RNF115: variants seen among roughly 807,000 people sequenced by gnomAD.
The protein encoded by RNF115 is E3 ubiquitin-protein ligase RNF115.
RNF115 carries 31 observed loss-of-function variants against 39.2 expected under a neutral mutation model. The ratio of observed to expected loss-of-function variants is 0.79; its 90% CI spans 0.59 to 1.07. RNF115 has a LOEUF of 1.07. Among genes scored for constraint, RNF115 ranks in the 50% least tolerant of loss-of-function variants. The pLI is 0.00. For missense variants in RNF115, 384 were observed against 381.7 expected (o/e 1.01, Z -0.05); for synonymous variants, 124 against 131.0 (o/e 0.95, Z 0.37).
chr1:145,803,209 T>C (rs1337294788), intron 1 of RNF115, among the ~76,000 whole-genome samples: 2 of 151,968 alleles, frequency 1.3e-5, no homozygotes, highest in African/African-American at 4.8e-5. Flanking sequence ...ACTTGGCTAT[T>C]AATAAAGAAA....
At chr1:145,776,121 T>A (rs1647874744) in intron 3 of RNF115, among the ~76,000 whole-genome samples, 1 of 150,976 alleles carries the variant, frequency 6.6e-6, no homozygotes, top group Non-Finnish European at 1.5e-5. Flanking sequence ...TTCAGACTCC[T>A]ACCAGAGTAT....
rs971126611 is a variant in RNF115, at chr1:145,742,665, C to T, written c.*4201G>A. 3 of 152,152 alleles carry T rather than the reference C, an allele frequency of 2.0e-5. No individual in the cohort carries two copies. Among genetic ancestry groups the T allele is most frequent in the Non-Finnish European group, 4.4e-5 (3 of 68,042 alleles). The allele number at this position is 152,152 out of a possible 1,614,324, so 9.4% of individuals were successfully genotyped here. A position where few individuals can be genotyped will look rare whatever the true frequency, so the allele number is the denominator to read the frequency against. On this transcript the variant is annotated 3_prime_UTR_variant, in exon 9 of 9. Transcript: ENST00000582693. ...TCCTCCATTGTGAAATGTGCATACA[C>T]GTGTTTGTCTGTGAATATATAAATA...
At chr1:145,774,300 ATTT>A (rs35937477) in intron 3 of RNF115, among the ~76,000 whole-genome samples, 2 of 139,166 alleles carry the variant, frequency 1.4e-5, no homozygotes, top group Admixed American at 7.0e-5. Context: ...TTCCCCCAAC[ATTT>A]TTTTTTTTTT....
chr1:145,773,313 G>C (rs1647728443), intron 3 of RNF115: 1 of 151,772 alleles, frequency 6.6e-6, no homozygotes. Flanking sequence ...CATTTATAAT[G>C]TGTAAAAAAT....
At chr1:145,758,357 G>A (rs1194692865) in intron 4 of RNF115, among the ~76,000 whole-genome samples, 2 of 152,128 alleles carry the variant, frequency 1.3e-5, no homozygotes, top group African/African-American at 4.8e-5. Flanking sequence ...GAGCCATCTT[G>A]GAAGTGGATG....
At chr1:145,765,261 T>G (rs1658725072) in intron 4 of RNF115, among the ~76,000 whole-genome samples, 1 of 152,098 alleles carries the variant, frequency 6.6e-6, no homozygotes, top group Non-Finnish European at 1.5e-5. Flanking sequence ...TAATCTCAAG[T>G]ACCCAGGGAC....
intron 2 of RNF115, among the ~76,000 whole-genome samples, chr1:145,785,127 C>T (rs1477015073): frequency 6.6e-6 from 1 of 152,042 alleles, no homozygotes; most frequent in African/African-American, 2.4e-5. Context: ...CTACCTCCTC[C>T]ATCAAGCCCT....
intron 1 of RNF115, among the ~76,000 whole-genome samples, chr1:145,822,265 T>C (rs1379354853): frequency 2.3e-4 from 34 of 150,928 alleles, no homozygotes; most frequent in South Asian, 6.3e-4. Context: ...CAGGTGGAGG[T>C]TGCAGTCAGC....
chr1:145,796,082 C>T (rs78829664), intron 1 of RNF115, among the ~76,000 whole-genome samples: 1,927 of 152,280 alleles, frequency 0.013, 40 homozygotes, highest in African/African-American at 0.044. Context: ...TACTTGGAAA[C>T]CCCAAAATGA....
intron 4 of RNF115, among the ~76,000 whole-genome samples, chr1:145,763,901 C>T (rs587599400): frequency 1.7e-4 from 24 of 139,368 alleles, no homozygotes; most frequent in Admixed American, 1.1e-3. Context: ...CCTCCCCCTC[C>T]CCCTCTCCCT....
intron 1 of RNF115, among the ~76,000 whole-genome samples, chr1:145,814,738 CAA>C (rs1354489873): frequency 1.3e-5 from 2 of 152,028 alleles, no homozygotes; most frequent in Admixed American, 1.3e-4. Flanking sequence ...CAAATTTCCC[CAA>C]TATATACATT....
chr1:145,775,577 T>C (rs1023456285), intron 3 of RNF115, among the ~76,000 whole-genome samples: 8 of 151,920 alleles, frequency 5.3e-5, no homozygotes, highest in Non-Finnish European at 1.0e-4. Flanking sequence ...AAAAAAAAAT[T>C]CTTTTTAGAG....
intron 8 of RNF115, 116 bp downstream of exon 8, chr1:145,747,879 C>T (rs1322584272): frequency 1.4e-6 from 1 of 740,564 alleles, no homozygotes; most frequent in African/African-American, 1.7e-5. Flanking sequence ...ATAACAGTAT[C>T]AGAGTAAGCC....
intron 3 of RNF115, among the ~76,000 whole-genome samples, chr1:145,777,918 T>A (rs1259425333): frequency 3.2e-4 from 48 of 152,330 alleles, no homozygotes; most frequent in African/African-American, 1.2e-3. Flanking sequence ...CTTCTTAAAA[T>A]ATTATGGTCT....
chr1:145,744,338 C>T lies in RNF115; in HGVS notation c.*2528G>A, dbSNP rs587621365. On this transcript the variant is annotated 3_prime_UTR_variant, in exon 9 of 9. Transcript: ENST00000582693. ...TTTCCTTCCATCCTCCTCCCCAATT[C>T]AAAACCAGTGTGTATTCTCAAGCTA... 1.3e-5 allele frequency: 2 copies of T among 152,446 alleles called. No homozygotes were observed. The highest frequency in any genetic ancestry group is 2.9e-5 in the Non-Finnish European group (2 of 68,062). 9.4% of individuals were successfully genotyped at this position (152,446 alleles called of 1,614,324 possible). A position where few individuals can be genotyped will look rare whatever the true frequency, so the allele number is the denominator to read the frequency against.
chr1:145,754,542 T>C (rs1450511887), intron 4 of RNF115, among the ~76,000 whole-genome samples: 1 of 152,090 alleles, frequency 6.6e-6, no homozygotes, highest in Non-Finnish European at 1.5e-5. Context: ...TTAGTAGAGA[T>C]GGGGTTTCAC....
chr1:145,772,036 T>C (rs1553715857), intron 3 of RNF115, 117 bp from the exon 4 acceptor site: 1 of 796,644 alleles, frequency 1.3e-6, no homozygotes, highest in Non-Finnish European at 2.0e-6. Flanking sequence ...TGTCTTCTTC[T>C]GCAGAGGTAC....
intron 4 of RNF115, among the ~76,000 whole-genome samples, chr1:145,762,922 C>T (rs988918364): frequency 2.6e-5 from 4 of 152,182 alleles, no homozygotes; most frequent in African/African-American, 4.8e-5. Context: ...AGAAATACCA[C>T]ATGTTCTCAC....
chr1:145,816,503 T>TA (rs1177359202), intron 1 of RNF115, among the ~76,000 whole-genome samples: 16 of 93,658 alleles, frequency 1.7e-4, no homozygotes, highest in East Asian at 1.3e-3. Flanking sequence ...CATGTGGCTT[T>TA]AAAAAAAAAG....
Sources: allele counts gnomAD v4.1 joint callset (sites outside exome capture counted in the v4.1 genomes callset), GRCh38; gene constraint gnomAD v4.1.1; transcripts MANE v1.5; gene names NCBI Gene and HGNC (gene_info 2026-07-23, HGNC 2026-07-21).